The following MYLK variants were observed in gnomAD, a reference collection of about 807,000 sequenced individuals.
MYLK encodes myosin light chain kinase, smooth muscle.
Under a neutral mutation model 203.4 loss-of-function variants are expected in MYLK, and 106 were observed. The observed-to-expected ratio is 0.52, with a 90% confidence interval of 0.45 to 0.61. The LOEUF is 0.61. Among genes scored for constraint, MYLK ranks in the 20% least tolerant of loss-of-function variants. The pLI is 0.00. For missense variants in MYLK, 2,072 were observed against 2,442.3 expected (o/e 0.85, Z 3.20); for synonymous variants, 867 against 959.5 (o/e 0.90, Z 1.78).
intron 1 of MYLK, among the ~76,000 whole-genome samples, chr3:123,881,149 G>C (rs951498283): frequency 6.6e-6 from 1 of 152,136 alleles, no homozygotes; most frequent in Non-Finnish European, 1.5e-5. Flanking sequence ...GTAGGAGGCT[G>C]GGGGAGCACA....
chr3:123,850,055 C>G (rs1470822343), intron 2 of MYLK, among the ~76,000 whole-genome samples: 9 of 152,168 alleles, frequency 5.9e-5, no homozygotes, highest in Non-Finnish European at 1.3e-4. Context: ...CATCCATGTC[C>G]CTACAAAGGA....
intron 2 of MYLK, among the ~76,000 whole-genome samples, chr3:123,847,767 A>T (rs535717282): frequency 3.9e-5 from 6 of 152,260 alleles, no homozygotes; most frequent in African/African-American, 1.4e-4. Flanking sequence ...ACTTAATCAG[A>T]ATGTAAATAT....
At chr3:123,769,044 T>C (rs1003715417) in intron 4 of MYLK, among the ~76,000 whole-genome samples, 1 of 152,234 alleles carries the variant, frequency 6.6e-6, no homozygotes, top group South Asian at 2.1e-4. Flanking sequence ...AACGAGTGCA[T>C]GTTGATCTGA....
chr3:123,709,813 G>C lies in MYLK; in HGVS notation c.1885C>G (p.Leu629Val). The change falls in exon 14 of 34, where the codon CTC (leucine) becomes GTC (valine). Residue 629 changes from leucine (L) to valine (V), a missense_variant. By Grantham distance (32) the Leu-to-Val change is conservative. This residue lies in a region of MYLK where 865 missense variants were observed against 1,016.0 expected (regional missense o/e 0.85). Coordinates refer to ENST00000360304, the MANE Select transcript of MYLK (RefSeq NM_053025.4). ...CCATCCATGACTTTGAGATCAGAGA[G>C]GCCCTGCAGGAAGATGGGTGCAGTG... ...KPTAPIFLQG[L>V]SDLKVMDGSQ... is the part of the protein sequence containing the mutation. The C allele has an allele frequency of 6.2e-7, 1 of 1,614,208 alleles. No individual in the cohort carries two copies.
At chr3:123,743,135 T>C (rs964524207) in intron 5 of MYLK, among the ~76,000 whole-genome samples, 6 of 152,104 alleles carry the variant, frequency 3.9e-5, no homozygotes, top group Non-Finnish European at 8.8e-5. Context: ...TAGGTATGTA[T>C]ATTTTACCAC....
chr3:123,620,159 C>A, intron 32 of MYLK, 48 bp downstream of exon 32: 2 of 1,536,732 alleles, frequency 1.3e-6, no homozygotes, highest in Non-Finnish European at 1.8e-6. Context: ...CCCCTTTGTT[C>A]CCCAGCCCTT....
At chr3:123,851,960 G>A (rs1222852456) in intron 2 of MYLK, among the ~76,000 whole-genome samples, 6 of 152,210 alleles carry the variant, frequency 3.9e-5, no homozygotes, top group Non-Finnish European at 8.8e-5. Flanking sequence ...ATGAAGGGCT[G>A]TAGAATTTTG....
At chr3:123,883,847 AC>A (rs1210563521) in intron 1 of MYLK, among the ~76,000 whole-genome samples, 1 of 151,654 alleles carries the variant, frequency 6.6e-6, no homozygotes, top group Non-Finnish European at 1.5e-5. Context: ...TTCACGTGGC[AC>A]CCCCTTCCCA....
intron 2 of MYLK, among the ~76,000 whole-genome samples, chr3:123,852,527 A>G (rs1334435967): frequency 6.6e-6 from 1 of 152,112 alleles, no homozygotes. Flanking sequence ...AGAGGTGTTT[A>G]TAGTATTCTC....
intron 3 of MYLK, among the ~76,000 whole-genome samples, chr3:123,822,681 G>A (rs2065978070): frequency 6.6e-6 from 1 of 152,174 alleles, no homozygotes; most frequent in Non-Finnish European, 1.5e-5. Flanking sequence ...TGACACATTT[G>A]TGCATCTGTC....
intron 7 of MYLK, 51 bp from the exon 8 acceptor site, chr3:123,737,594 G>A: frequency 1.2e-6 from 2 of 1,609,606 alleles, no homozygotes; most frequent in Admixed American, 1.7e-5. Flanking sequence ...TCACCTTCTG[G>A]CTGTGTCCTC....
intron 4 of MYLK, among the ~76,000 whole-genome samples, chr3:123,775,042 T>A (rs888158366): frequency 6.6e-5 from 10 of 152,016 alleles, no homozygotes; most frequent in African/African-American, 2.2e-4. Flanking sequence ...TTTTTTTTTT[T>A]AATTTTAGAG....
chr3:123,646,200 G>C (rs149095375), intron 27 of MYLK, among the ~76,000 whole-genome samples: 1 of 152,132 alleles, frequency 6.6e-6, no homozygotes, highest in East Asian at 1.9e-4. Context: ...TACTTTTTGT[G>C]TTAAAAGGCA....
At chr3:123,825,453 T>A (rs914323350) in intron 3 of MYLK, among the ~76,000 whole-genome samples, 1 of 152,198 alleles carries the variant, frequency 6.6e-6, no homozygotes, top group South Asian at 2.1e-4. Flanking sequence ...CCCACTGGCA[T>A]TGCAAACACC....
At chr3:123,735,554 G>T in intron 8 of MYLK, 138 bp from the exon 9 acceptor site, 1 of 910,702 alleles carries the variant, frequency 1.1e-6, no homozygotes, top group Non-Finnish European at 1.8e-6. Context: ...AACGTCTTTG[G>T]CCTTTGAACT....
chr3:123,657,568 T>C, intron 23 of MYLK, 140 bp from the exon 24 acceptor site: 1 of 775,410 alleles, frequency 1.3e-6, no homozygotes. Flanking sequence ...CTTTCCCTCA[T>C]CCGCACATCA....
At chr3:123,785,124 C>T (rs2064462236) in intron 4 of MYLK, among the ~76,000 whole-genome samples, 1 of 152,274 alleles carries the variant, frequency 6.6e-6, no homozygotes, top group South Asian at 2.1e-4. Context: ...CTTAACTGTT[C>T]TGCAGGCAGA....
intron 2 of MYLK, among the ~76,000 whole-genome samples, chr3:123,858,546 A>G (rs1415903720): frequency 6.6e-6 from 1 of 152,214 alleles, no homozygotes; most frequent in Non-Finnish European, 1.5e-5. Context: ...TTCCTGAGGC[A>G]GTGCAGTATG....
chr3:123,856,222 G>A (rs751633204), intron 2 of MYLK, among the ~76,000 whole-genome samples: 10 of 152,114 alleles, frequency 6.6e-5, no homozygotes, highest in Non-Finnish European at 1.2e-4. Context: ...GGAAAGGAAC[G>A]CTTTGTTGCC....
Sources: allele counts gnomAD v4.1 joint callset (sites outside exome capture counted in the v4.1 genomes callset), GRCh38; gene constraint gnomAD v4.1.1; regional missense constraint gnomAD v4.1.1; transcripts MANE v1.5; gene names NCBI Gene and HGNC (gene_info 2026-07-23, HGNC 2026-07-21).